The following CEMIP variants were observed in gnomAD, a reference collection of about 807,000 sequenced individuals.
CEMIP encodes the protein cell migration-inducing and hyaluronan-binding protein.
Under a neutral mutation model 156.9 loss-of-function variants are expected in CEMIP, and 105 were observed. That is an observed-to-expected ratio of 0.67 (90% CI 0.57 to 0.79). The LOEUF is 0.79. CEMIP is among the 30% of genes least tolerant of loss of function. The pLI is 0.00. For synonymous variants in CEMIP, 676 were observed against 668.4 expected, an observed-to-expected ratio of 1.01 and a Z score of -0.17; for missense variants, 1,457 against 1,769.4, an observed-to-expected ratio of 0.82 and a Z score of 3.17.
intron 1 of CEMIP, among the ~76,000 whole-genome samples, chr15:80,798,024 G>T (rs896629438): frequency 4.6e-5 from 7 of 152,126 alleles, no homozygotes; most frequent in Non-Finnish European, 1.0e-4. Context: ...AGTGGTCAAG[G>T]GAGGTATTTT....
At chr15:80,826,761 A>C (rs1299998516) in intron 1 of CEMIP, among the ~76,000 whole-genome samples, 1 of 152,172 alleles carries the variant, frequency 6.6e-6, no homozygotes, top group Non-Finnish European at 1.5e-5. Context: ...GGATGCCTTT[A>C]ACTGTGGCAT....
chr15:80,936,978 CT>C, intron 24 of CEMIP, 93 bp downstream of exon 24: 1 of 1,209,546 alleles, frequency 8.3e-7, no homozygotes, highest in Non-Finnish European at 1.2e-6. Context: ...AAACCACAGG[CT>C]AGCCCATGTG....
At position 80,909,361 on chromosome 15, in the gene CEMIP, C is replaced by G. The variant is rs138280521; in HGVS notation, c.1797+55C>G. On this transcript the variant is annotated intron_variant, in intron 14 of 29. Transcript: ENST00000394685. ...GGGGATGGGCCATGGATGGTTAGCACTGGAGGGGTGTTTGGATGTAGACAC... is the reference window on the plus strand; with the variant it reads ...GGGGATGGGCCATGGATGGTTAGCAGTGGAGGGGTGTTTGGATGTAGACAC... 5.1e-6 allele frequency: 8 copies of G among 1,555,674 alleles called. No homozygotes were observed. In the South Asian group the frequency reaches 8.9e-5, roughly 17 times the overall value.
intron 1 of CEMIP, among the ~76,000 whole-genome samples, chr15:80,861,535 T>C (rs114605968): frequency 0.012 from 1,755 of 152,214 alleles, 36 homozygotes; most frequent in African/African-American, 0.04. Flanking sequence ...CCTTCCCACA[T>C]TGGGCCAGGA....
At chr15:80,948,706 T>G in intron 29 of CEMIP, 91 bp from the exon 30 acceptor site, 2 of 1,559,910 alleles carry the variant, frequency 1.3e-6, no homozygotes, top group African/African-American at 1.4e-5. Context: ...CTGGTGGGCG[T>G]GGGGGGCTGG....
At chr15:80,900,765 C>T (rs1372307332) in intron 12 of CEMIP, 1 of 343,230 alleles carries the variant, frequency 2.9e-6, no homozygotes, top group African/African-American at 2.2e-5. Context: ...GGCTCTCCAT[C>T]TCCCTGTTGA....
intron 14 of CEMIP, among the ~76,000 whole-genome samples, chr15:80,918,967 A>C: frequency 6.6e-6 from 1 of 152,142 alleles, no homozygotes; most frequent in East Asian, 1.9e-4. Context: ...GGTGGAAAAA[A>C]AAGTGACTGA....
At chr15:80,791,118 A>T (rs1183416723) in intron 1 of CEMIP, among the ~76,000 whole-genome samples, 1 of 152,186 alleles carries the variant, frequency 6.6e-6, no homozygotes, top group Non-Finnish European at 1.5e-5. Context: ...TTAAAAAAAA[A>T]AAAAGATATT....
At position 80,929,046 on chromosome 15, in the gene CEMIP, C is replaced by A. The variant is rs531221332; in HGVS notation, c.2484C>A (p.Gly828=). 35 of 1,614,182 alleles carry A rather than the reference C, an allele frequency of 2.2e-5. No individual in the cohort carries two copies. Among genetic ancestry groups the A allele is most frequent in the Non-Finnish European group, 3.0e-5 (35 of 1,180,048 alleles). The change falls in exon 21 of 30, where the codon GGC becomes GGA. Residue 828 remains glycine, a synonymous_variant. Coordinates refer to ENST00000394685, the MANE Select transcript of CEMIP (RefSeq NM_001293298.2). ...GTGGAACCTTCCCGTATGACGACGG[C>A]TCCAAGCAAGAGATAAAGAACAGCT... ...ASGGTFPYDD[G]SKQEIKNSLF...
At chr15:80,849,414 G>A (rs1018414430) in intron 1 of CEMIP, among the ~76,000 whole-genome samples, 2 of 152,192 alleles carry the variant, frequency 1.3e-5, no homozygotes, top group African/African-American at 2.4e-5. Context: ...AGCCAGCTGG[G>A]AAATCTGCTC....
At chr15:80,838,158 G>A (rs1897306152) in intron 1 of CEMIP, among the ~76,000 whole-genome samples, 1 of 152,202 alleles carries the variant, frequency 6.6e-6, no homozygotes, top group African/African-American at 2.4e-5. Context: ...AGTAGGAGCG[G>A]AGATGACCCA....
At chr15:80,938,242 G>A (rs939549139) in intron 25 of CEMIP, 15 of 442,118 alleles carry the variant, frequency 3.4e-5, no homozygotes, top group South Asian at 1.1e-4. Context: ...AAAAAGTGAA[G>A]GCAGTAAATC....
intron 1 of CEMIP, among the ~76,000 whole-genome samples, chr15:80,872,573 G>A (rs1255246513): frequency 6.6e-6 from 1 of 152,226 alleles, no homozygotes; most frequent in African/African-American, 2.4e-5. Flanking sequence ...GCTCACGCCT[G>A]TAATCCCAAC....
chr15:80,822,058 G>A (rs1301266342), intron 1 of CEMIP, among the ~76,000 whole-genome samples: 1 of 152,248 alleles, frequency 6.6e-6, no homozygotes, highest in Non-Finnish European at 1.5e-5. Context: ...ATAACTGGAA[G>A]TGTGCCAATG....
chr15:80,933,573 T>C, intron 23 of CEMIP, 113 bp downstream of exon 23: 1 of 766,094 alleles, frequency 1.3e-6, no homozygotes, highest in South Asian at 2.0e-5. Context: ...AGATACAGAA[T>C]TTTTTTTTCT....
chr15:80,865,864 G>A (rs1898111791), intron 1 of CEMIP, among the ~76,000 whole-genome samples: 1 of 152,126 alleles, frequency 6.6e-6, no homozygotes, highest in South Asian at 2.1e-4. Flanking sequence ...TGGTTTGCTG[G>A]GAGGGTCATG....
chr15:80,799,269 G>A (rs1896313685), intron 1 of CEMIP, among the ~76,000 whole-genome samples: 1 of 152,218 alleles, frequency 6.6e-6, no homozygotes, highest in African/African-American at 2.4e-5. Context: ...GGCACAATGG[G>A]CTGCCAGCCG....
At chr15:80,923,542 A>G (rs1900550737) in intron 17 of CEMIP, among the ~76,000 whole-genome samples, 2 of 152,186 alleles carry the variant, frequency 1.3e-5, no homozygotes, top group South Asian at 4.1e-4. Context: ...ACAAGCAGGC[A>G]TGCAAGGGCT....
At chr15:80,940,542 G>A (rs933796337) in intron 25 of CEMIP, among the ~76,000 whole-genome samples, 4 of 152,088 alleles carry the variant, frequency 2.6e-5, no homozygotes, top group Admixed American at 2.0e-4. Context: ...TCCCCACCAC[G>A]CAGGGCATGG....
Sources: gnomAD v4.1 joint callset for allele counts (sites outside exome capture counted in the v4.1 genomes callset) on GRCh38, gnomAD v4.1.1 for gene constraint, MANE v1.5 for transcripts, NCBI Gene and HGNC (gene_info 2026-07-23, HGNC 2026-07-21) for gene names.